Variants in TSPAN9 observed in about 807,000 individuals in gnomAD.
TSPAN9 encodes tetraspanin 9.
Under a neutral mutation model 31.0 loss-of-function variants are expected in TSPAN9, and 16 were observed. That is an observed-to-expected ratio of 0.52 (90% CI 0.35 to 0.78). The LOEUF (loss-of-function observed/expected upper bound fraction) is 0.78, where lower values mean the gene tolerates loss of function less well. TSPAN9 is among the 30% of genes least tolerant of loss of function. The pLI is 0.01. For synonymous variants in TSPAN9, 145 were observed against 121.6 expected, an observed-to-expected ratio of 1.19 and a Z score of -1.27; for missense variants, 272 against 312.5, an observed-to-expected ratio of 0.87 and a Z score of 0.98.
chr12:3,165,282 A>G (rs2098347691), intron 2 of TSPAN9, among the ~76,000 whole-genome samples: 1 of 152,218 alleles, frequency 6.6e-6, no homozygotes, highest in Admixed American at 6.5e-5. Context: ...AGTACTGGCC[A>G]CGAATCCCAC....
At chr12:3,134,820 C>T (rs371532198) in intron 2 of TSPAN9, among the ~76,000 whole-genome samples, 13 of 152,190 alleles carry the variant, frequency 8.5e-5, no homozygotes, top group East Asian at 1.9e-4. Context: ...TATAGTCAGG[C>T]GATCACAGTC....
chr12:3,111,631 A>G (rs2098318776), intron 2 of TSPAN9, among the ~76,000 whole-genome samples: 1 of 146,306 alleles, frequency 6.8e-6, no homozygotes, highest in Non-Finnish European at 1.5e-5. Context: ...TTTTTGAGAC[A>G]GAGACAGACT....
rs540803566 is a variant in TSPAN9, at chr12:3,107,655, A to G, written c.-18+23936A>G. ...CCCTGTGGGACTGCCAAGCTGCTGC[A>G]AGGACCTTTAGGTCACGCCCAGAGA... On this transcript the variant is annotated intron_variant, in intron 2 of 8. Transcript: ENST00000011898. The surrounding 1 kb of genome is among the most constrained non-coding windows in gnomAD (Gnocchi z 4.1). Among the ~76,000 whole-genome samples, 1 of 152,316 alleles carries G rather than the reference A, an allele frequency of 6.6e-6. No individual in the cohort carries two copies. The highest frequency in any genetic ancestry group is 1.9e-4 in the East Asian group (1 of 5,178).
chr12:3,159,695 C>T (rs2098344021), intron 2 of TSPAN9, among the ~76,000 whole-genome samples: 1 of 152,112 alleles, frequency 6.6e-6, no homozygotes, highest in Non-Finnish European at 1.5e-5. Context: ...GGCAAGACCC[C>T]TCATCTCAAT....
intron 2 of TSPAN9, among the ~76,000 whole-genome samples, chr12:3,109,626 G>T (rs574379771): frequency 1.3e-5 from 2 of 151,386 alleles, no homozygotes; most frequent in Non-Finnish European, 2.9e-5. Context: ...AGTGAAACCC[G>T]TCTCTACTAA....
At chr12:3,279,900 G>T (rs1425054421) in intron 5 of TSPAN9, among the ~76,000 whole-genome samples, 1 of 152,150 alleles carries the variant, frequency 6.6e-6, no homozygotes, top group Non-Finnish European at 1.5e-5. Flanking sequence ...AGTAGATGCT[G>T]CTGTTCAACA....
At chr12:3,183,443 A>T (rs2098359481) in intron 2 of TSPAN9, among the ~76,000 whole-genome samples, 1 of 152,228 alleles carries the variant, frequency 6.6e-6, no homozygotes, top group Non-Finnish European at 1.5e-5. Flanking sequence ...AAGGACAGCA[A>T]TGGAGGTTTT....
chr12:3,093,195 A>T (rs1190876050), intron 2 of TSPAN9, among the ~76,000 whole-genome samples: 1 of 152,194 alleles, frequency 6.6e-6, no homozygotes, highest in African/African-American at 2.4e-5. Flanking sequence ...CAGTTCTGGG[A>T]GATGGGATGG....
rs927527438 is a variant in TSPAN9, at chr12:3,233,535, G to A, written c.63+32279G>A. Among the ~76,000 whole-genome samples the A allele has an allele frequency of 6.6e-5, 10 of 152,294 alleles. 1 individual carries two copies. Among genetic ancestry groups the A allele is most frequent in the Admixed American group, 6.5e-4 (10 of 15,304 alleles). ...TCTGAGCTGTGTAAAATGGTATTGT[G>A]CTACATGTAGCTTTCTGTAGCTTGC... On this transcript the variant is annotated intron_variant, in intron 3 of 8. Transcript: ENST00000011898.
chr12:3,089,101 G>A lies in TSPAN9; in HGVS notation c.-18+5382G>A, dbSNP rs1224859533. Among the ~76,000 whole-genome samples the A allele has an allele frequency of 1.6e-4, 24 of 151,410 alleles. No homozygotes were observed. In the East Asian group the frequency reaches 3.0e-3, roughly 19 times the overall value. ...CAAAAAATTAGCCGGGCGTGGTGGC[G>A]GGCGCCTGTAGTCCCAGCCACTCGG... On this transcript the variant is annotated intron_variant, in intron 2 of 8. Coordinates refer to ENST00000011898, the MANE Select transcript of TSPAN9 (RefSeq NM_006675.5).
rs3782765 is a variant in TSPAN9 at position 3,272,442 on chromosome 12, T to A, written c.64-5979T>A. ...AGTAATCCAGGCATGTTCTGGGCCC[T>A]ACAATGGAAGAAAAATGGATAAGAC... On this transcript the variant is annotated intron_variant, in intron 3 of 8. Transcript: ENST00000011898. Among the ~76,000 whole-genome samples the A allele has an allele frequency of 9.5e-3, 1,436 of 151,752 alleles. 51 individuals carry two copies. The East Asian group carries it at 0.13, about 14-fold the overall frequency.
chr12:3,200,757 G>A (rs943568322), intron 2 of TSPAN9: 1 of 153,764 alleles, frequency 6.5e-6, no homozygotes, highest in African/African-American at 2.4e-5. Context: ...ACAGGCAGCA[G>A]CCCCTGGGCG....
intron 2 of TSPAN9, among the ~76,000 whole-genome samples, chr12:3,130,149 C>T (rs192418412): frequency 2.4e-4 from 37 of 152,316 alleles, no homozygotes; most frequent in African/African-American, 7.9e-4. Flanking sequence ...CCGCTTCCCC[C>T]GGTGGCCAGC....
At position 3,232,056 on chromosome 12, in the gene TSPAN9, G is replaced by A. The variant is rs1327951551; in HGVS notation, c.63+30800G>A. ...CGGGCCTCTTCCAGAGGTCCCTTCT[G>A]TCTGGTTAGGAACTGCAGTCCTGGA... On this transcript the variant is annotated intron_variant, in intron 3 of 8. Transcript: ENST00000011898. Among the ~76,000 whole-genome samples the A allele has an allele frequency of 3.9e-5, 6 of 152,216 alleles. No homozygotes were observed. In the East Asian group the frequency reaches 7.7e-4, roughly 20 times the overall value.
intron 3 of TSPAN9, among the ~76,000 whole-genome samples, chr12:3,247,245 C>CAG (rs1228507046): frequency 6.7e-6 from 1 of 148,394 alleles, no homozygotes; most frequent in South Asian, 2.2e-4. Flanking sequence ...AAGGCAGAGT[C>CAG]AGAGAGAGGA....
chr12:3,106,808 C>A (rs193035052), intron 2 of TSPAN9, among the ~76,000 whole-genome samples: 1 of 152,078 alleles, frequency 6.6e-6, no homozygotes, highest in East Asian at 1.9e-4. Flanking sequence ...AAAGAGGTGC[C>A]CCTCCCTAGG....
chr12:3,146,985 A>T (rs1272295524), intron 2 of TSPAN9, among the ~76,000 whole-genome samples: 5 of 152,154 alleles, frequency 3.3e-5, no homozygotes, highest in Non-Finnish European at 4.4e-5. Flanking sequence ...AAATGGGTTT[A>T]ACCACACTCA....
At chr12:3,258,319 G>C (rs1020933008) in intron 3 of TSPAN9, among the ~76,000 whole-genome samples, 1 of 152,178 alleles carries the variant, frequency 6.6e-6, no homozygotes, top group African/African-American at 2.4e-5. Flanking sequence ...GATTCATTTT[G>C]TGTCTGAGTC....
intron 2 of TSPAN9, among the ~76,000 whole-genome samples, chr12:3,193,511 CTG>C (rs2098365546): frequency 6.6e-6 from 1 of 152,234 alleles, no homozygotes; most frequent in Admixed American, 6.5e-5. Flanking sequence ...CGTGGGTAGA[CTG>C]TACACACAGC....
Sources: allele counts gnomAD v4.1 joint callset (sites outside exome capture counted in the v4.1 genomes callset), GRCh38; gene constraint gnomAD v4.1.1; non-coding constraint Gnocchi (gnomAD v3.1); transcripts MANE v1.5; gene names NCBI Gene and HGNC (gene_info 2026-07-23, HGNC 2026-07-21).